The following USP40 variants were observed in gnomAD, a reference collection of about 807,000 sequenced individuals.
The protein encoded by USP40 is ubiquitin carboxyl-terminal hydrolase 40.
A neutral mutation model predicts 166.2 loss-of-function variants in USP40; 143 were observed. That is an observed-to-expected ratio of 0.86 (90% CI 0.75 to 0.99). The LOEUF is 0.99. Ranked by LOEUF, USP40 falls within the 50% of genes least tolerant of loss-of-function variation. USP40 has a pLI of 0.00. For missense variants in USP40, 1,444 were observed against 1,479.7 expected, an observed-to-expected ratio of 0.98 and a Z score of 0.40; for synonymous variants, 498 against 524.0, an observed-to-expected ratio of 0.95 and a Z score of 0.68.
chr2:233,551,311 G>A lies in USP40; in HGVS notation c.837+65C>T, dbSNP rs547491418. The A allele has an allele frequency of 1.6e-5, 24 of 1,484,986 alleles. No homozygotes were observed. The South Asian group carries it at 1.8e-4, about 11-fold the overall frequency. The allele number at this position is 1,484,986 out of a possible 1,614,324, so 92.0% of individuals were successfully genotyped here. ...TCTCACAATAAACCAACTGAAAATC[G>A]GGTCAATAATAGATTCAATCTTGAG... is the stretch of plus-strand genomic sequence containing the variant. On this transcript the variant is annotated intron_variant, in intron 7 of 31. Transcript: ENST00000678225.
chr2:233,504,725 C>A (rs964470200), intron 21 of USP40, among the ~76,000 whole-genome samples: 1 of 151,814 alleles, frequency 6.6e-6, no homozygotes, highest in African/African-American at 2.4e-5. Context: ...TATTATTAGA[C>A]CTCTAGGGGA....
chr2:233,554,378 A>G lies in USP40; in HGVS notation c.693+2T>C. On this transcript the variant is annotated splice_donor_variant, in intron 6 of 31. Coordinates refer to ENST00000678225, the MANE Select transcript of USP40 (RefSeq NM_001365479.2). LOFTEE classifies it high-confidence loss of function. ...TGGGAAAAAGCAGTTATCTGTCTTT[A>G]CCTTTGCTGCTTTAACCAGCCTGTC... The G allele has an allele frequency of 6.2e-7, 1 of 1,607,914 alleles. No individual in the cohort carries two copies. The highest frequency in any genetic ancestry group is 8.5e-7 in the Non-Finnish European group (1 of 1,177,866).
rs1255334992 is a variant in USP40 at position 233,485,824 on chromosome 2, C to G, written c.3351G>C (p.Lys1117Asn). The G allele has an allele frequency of 9.9e-6, 16 of 1,612,116 alleles. No individual in the cohort carries two copies. Among genetic ancestry groups the G allele is most frequent in the Non-Finnish European group, 1.4e-5 (16 of 1,179,386 alleles). Reference sequence around the variant, plus strand: ...CGGGAAAGTATTTGGCAATTTCAATCTTCTCCACGGGAAGACGATAGAAAT... The same window carrying G: ...CGGGAAAGTATTTGGCAATTTCAATGTTCTCCACGGGAAGACGATAGAAAT... The part of the protein sequence containing the change: ...VADFYRLPVE[K>N]IEIAKYFPEK... Residue 1117 changes from lysine to asparagine, a missense_variant, in exon 29 of 32, where the codon AAG (lysine) becomes AAC (asparagine). Transcript: ENST00000678225.
At chr2:233,519,589 C>T (rs1385989190) in intron 18 of USP40, 25 bp downstream of exon 18, 2 of 1,403,976 alleles carry the variant, frequency 1.4e-6, no homozygotes, top group Admixed American at 2.1e-5. Flanking sequence ...AAACTAAGAA[C>T]CGAAAAGAAA....
At position 233,485,769 on chromosome 2, in the gene USP40, A is replaced by G; in HGVS notation, c.3406T>C (p.Trp1136Arg). 1 of 1,613,088 alleles carries G rather than the reference A, an allele frequency of 6.2e-7. No homozygotes were observed. The highest frequency in any genetic ancestry group is 8.5e-7 in the Non-Finnish European group (1 of 1,179,588). Residue 1136 changes from tryptophan (W) to arginine (R), a missense_variant and splice_region_variant, in exon 29 of 32, where the codon TGG becomes CGG. Transcript: ENST00000678225. ...CTGAGACAGCCCCACAACTTTACCCAGCTAGATATCGGAAGCCACTCGAAC... is the reference window on the plus strand; with the variant it reads ...CTGAGACAGCCCCACAACTTTACCCGGCTAGATATCGGAAGCCACTCGAAC... ...EKFEWLPISSWNQQITKRKKK... is the reference protein window; with the variant it reads ...EKFEWLPISSRNQQITKRKKK...
At chr2:233,526,724 G>A (rs1219250651) in intron 13 of USP40, among the ~76,000 whole-genome samples, 1 of 152,100 alleles carries the variant, frequency 6.6e-6, no homozygotes, top group East Asian at 1.9e-4. Flanking sequence ...AGGGAGAAGA[G>A]GGACAGAGTC....
intron 14 of USP40, 129 bp from the exon 15 acceptor site, chr2:233,524,691 T>C: frequency 1.6e-6 from 1 of 631,488 alleles, no homozygotes; most frequent in Non-Finnish European, 2.5e-6. Flanking sequence ...GTAGTAATTA[T>C]TTTTATTCTA....
In USP40 at chr2:233,523,292, A is replaced by G; in HGVS notation, c.2079T>C (p.Ala693=). The G allele has an allele frequency of 6.2e-7, 1 of 1,614,018 alleles. No individual in the cohort carries two copies. The highest frequency in any genetic ancestry group is 1.1e-5 in the South Asian group (1 of 91,084). ...TCCAACCCTCCCCACCTGGACATCC[A>G]GCACTGTTGATGAAGATGACACCTG... is the stretch of plus-strand genomic sequence containing the variant. ...IPAGVIFINS[A]GCPGGEGWTA... is the part of the protein sequence containing the mutation. Residue 693 remains alanine, a synonymous_variant, in exon 16 of 32, where the codon GCT becomes GCC. Transcript: ENST00000678225.
Position 233,480,449 on chromosome 2 carries a change from T to C in USP40, c.3599+754A>G, listed in dbSNP as rs2064498480. 6.6e-6 allele frequency among the ~76,000 whole-genome samples: 1 copy of C among 152,092 alleles called. No homozygotes were observed. The highest frequency in any genetic ancestry group is 1.5e-5 in the Non-Finnish European group (1 of 68,022). On this transcript the variant is annotated intron_variant, in intron 31 of 31. Transcript: ENST00000678225. The surrounding 1 kb of genome is among the most constrained non-coding windows in gnomAD (Gnocchi z 4.5). ...CACGGGCAGGTCCTGGGACTTGTGGTGGTGGTGAGCTGAGCAGTGCGAACT... is the reference window on the plus strand; with the variant it reads ...CACGGGCAGGTCCTGGGACTTGTGGCGGTGGTGAGCTGAGCAGTGCGAACT...
At chr2:233,526,174 G>T (rs528116187) in intron 13 of USP40, among the ~76,000 whole-genome samples, 3 of 152,104 alleles carry the variant, frequency 2.0e-5, no homozygotes, top group Non-Finnish European at 4.4e-5. Flanking sequence ...TTCTTAAAAA[G>T]AAACTTCTTA....
chr2:233,485,490 G>A lies in USP40; in HGVS notation c.3504+41C>T, dbSNP rs79003717. 1.4e-3 allele frequency: 2,084 copies of A among 1,465,432 alleles called. 23 individuals are homozygous for A. The African/African-American group carries it at 0.024, about 17-fold the overall frequency. 90.8% of individuals were successfully genotyped at this position (1,465,432 alleles called of 1,614,324 possible). ...GTCTCTATAAAATCATGTGACCCTCGTGTCTTCTCAAAGTGGTAAATTTGC... is the reference window on the plus strand; with the variant it reads ...GTCTCTATAAAATCATGTGACCCTCATGTCTTCTCAAAGTGGTAAATTTGC... On this transcript the variant is annotated intron_variant, in intron 30 of 31. Coordinates refer to ENST00000678225, the MANE Select transcript of USP40 (RefSeq NM_001365479.2).
intron 18 of USP40, among the ~76,000 whole-genome samples, chr2:233,518,251 TAAAAAAAAAAAAAA>T (rs1156279626): frequency 2.0e-5 from 1 of 49,798 alleles, no homozygotes; most frequent in Non-Finnish European, 3.4e-5. Flanking sequence ...TAACAGATTC[TAAAAAAAAAAAAAA>T]AAAAAAAAAA....
chr2:233,496,419 T>C (rs187733524), intron 24 of USP40, among the ~76,000 whole-genome samples: 15 of 152,328 alleles, frequency 9.8e-5, no homozygotes, highest in African/African-American at 3.4e-4. Flanking sequence ...AAAAACAAAA[T>C]GTTAAAAACA....
intron 8 of USP40, among the ~76,000 whole-genome samples, chr2:233,548,713 C>G (rs1405241902): frequency 6.6e-6 from 1 of 152,046 alleles, no homozygotes; most frequent in Non-Finnish European, 1.5e-5. Flanking sequence ...AGATAACATC[C>G]TTGGTTTTAG....
chr2:233,549,132 T>G lies in USP40; in HGVS notation c.935A>C (p.Asp312Ala). ...YGGHYHVYIK[D>A]VDHLGNWQFQ... ...CTGCCAGTTTCCCAAATGATCAACA[T>G]CTTTAATATATACATGGTAATGGCC... The change falls in exon 8 of 32, where the codon GAT (aspartate) becomes GCT (alanine). Residue 312 changes from aspartate (D) to alanine (A), a missense_variant. By Grantham distance (126) the Asp-to-Ala change is moderately radical. Transcript: ENST00000678225. The G allele has an allele frequency of 1.2e-6, 2 of 1,602,392 alleles. No homozygotes were observed. The highest frequency in any genetic ancestry group is 2.3e-5 in the South Asian group (2 of 88,610).
chr2:233,549,065 T>C (rs2070277203), intron 8 of USP40, 36 bp downstream of exon 8: 1 of 1,560,582 alleles, frequency 6.4e-7, no homozygotes, highest in Non-Finnish European at 8.7e-7. Flanking sequence ...AGAAAAGAAA[T>C]TGCAAAGATA....
chr2:233,518,470 G>A (rs758417915), intron 18 of USP40, among the ~76,000 whole-genome samples: 1 of 151,042 alleles, frequency 6.6e-6, no homozygotes, highest in African/African-American at 2.4e-5. Flanking sequence ...GGGAGGCTGA[G>A]GCAGAAAAAT....
chr2:233,560,529 TA>T (rs1318871801), intron 3 of USP40, among the ~76,000 whole-genome samples: 1 of 152,174 alleles, frequency 6.6e-6, no homozygotes, highest in Non-Finnish European at 1.5e-5. Flanking sequence ...AGAAAAGTGC[TA>T]ATCTGCAACA....
At chr2:233,494,956 T>TTATATATATATATA (rs71058559) in intron 24 of USP40, among the ~76,000 whole-genome samples, 1 of 35,504 alleles carries the variant, frequency 2.8e-5, no homozygotes, top group Non-Finnish European at 5.1e-5. Context: ...ATATATATAT[T>TTATATATATATATA]TATATATATA....
Sources: gnomAD v4.1 joint callset for allele counts (sites outside exome capture counted in the v4.1 genomes callset) on GRCh38, gnomAD v4.1.1 for gene constraint, Gnocchi (gnomAD v3.1) non-coding constraint, MANE v1.5 for transcripts, NCBI Gene and HGNC (gene_info 2026-07-23, HGNC 2026-07-21) for gene names.